KIF11: variants seen among roughly 807,000 people sequenced by gnomAD.
KIF11 encodes the protein kinesin family member 11.
In KIF11, 9 loss-of-function variants were observed where a neutral mutation model predicts 121.0. The observed-to-expected ratio is 0.07, with a 90% CI of 0.04 to 0.13. The LOEUF (loss-of-function observed/expected upper bound fraction) is 0.13, where lower values mean the gene tolerates loss of function less well. Ranked by LOEUF, KIF11 falls within the 10% of genes least tolerant of loss-of-function variation. The pLI is 1.00. For missense variants in KIF11, 846 were observed against 1,217.5 expected, an observed-to-expected ratio of 0.69 and a Z score of 4.54; for synonymous variants, 408 against 421.0, an observed-to-expected ratio of 0.97 and a Z score of 0.38.
Position 92,633,810 on chromosome 10 carries a change from T to A in KIF11, c.1875+15T>A. ...AGGAATTGATTGTTAGTACATCCTT[T>A]AAAATATTTTTGAAGGGTTGCATTT... On this transcript the variant is annotated intron_variant, in intron 14 of 21. Coordinates refer to ENST00000260731, the MANE Select transcript of KIF11 (RefSeq NM_004523.4). The A allele has an allele frequency of 6.7e-7, 1 of 1,495,490 alleles. No homozygotes were observed. The highest frequency in any genetic ancestry group is 9.2e-7 in the Non-Finnish European group (1 of 1,091,216). 92.6% of individuals were successfully genotyped at this position (1,495,490 alleles called of 1,614,324 possible).
At chr10:92,640,563 C>T (rs535105226) in intron 17 of KIF11, among the ~76,000 whole-genome samples, 29 of 152,286 alleles carry the variant, frequency 1.9e-4, no homozygotes, top group South Asian at 4.1e-4. Flanking sequence ...TCCCGAGTAG[C>T]TGGGACTACA....
intron 21 of KIF11, among the ~76,000 whole-genome samples, chr10:92,653,140 C>T (rs546043734): frequency 6.6e-6 from 1 of 152,338 alleles, no homozygotes; most frequent in East Asian, 1.9e-4. Context: ...ATTGGCTTTT[C>T]TGCATGACAG....
At chr10:92,627,873 A>AT (rs1168071738) in intron 10 of KIF11, among the ~76,000 whole-genome samples, 1 of 152,072 alleles carries the variant, frequency 6.6e-6, no homozygotes, top group Non-Finnish European at 1.5e-5. Context: ...AGCTGCTGCT[A>AT]TTTTTTGATT....
At chr10:92,644,834 T>C (rs1183567311) in intron 17 of KIF11, among the ~76,000 whole-genome samples, 1 of 152,210 alleles carries the variant, frequency 6.6e-6, no homozygotes, top group Non-Finnish European at 1.5e-5. Flanking sequence ...CTAACCAACA[T>C]TAATATTATA....
In KIF11 at chr10:92,632,554, G is replaced by C; in HGVS notation, c.1563G>C (p.Lys521Asn). Residue 521 changes from lysine to asparagine, a missense_variant, in exon 13 of 22, where the codon AAG becomes AAC. By Grantham distance (94) the Lys-to-Asn change is moderately conservative. Around this residue, in one of 5 missense-constraint regions of KIF11, gnomAD observed 492 missense variants for 603.4 expected, o/e 0.82. Transcript: ENST00000260731. ...TCCATTCCAAACTGGATCGTAAGAA[G>C]GCAGTTGACCAACACAATGCAGAAG... ...SGLHSKLDRKKAVDQHNAEAQ... is the reference protein window; with the variant it reads ...SGLHSKLDRKNAVDQHNAEAQ... 1 of 1,613,572 alleles carries C rather than the reference G, an allele frequency of 6.2e-7. No homozygotes were observed. The highest frequency in any genetic ancestry group is 8.5e-7 in the Non-Finnish European group (1 of 1,179,538).
At chr10:92,599,658 C>CTT (rs879564897) in intron 1 of KIF11, among the ~76,000 whole-genome samples, 1 of 137,422 alleles carries the variant, frequency 7.3e-6, no homozygotes, top group Non-Finnish European at 1.6e-5. Flanking sequence ...GTTTTCTTTT[C>CTT]TTTTTTTTTT....
intron 6 of KIF11, among the ~76,000 whole-genome samples, chr10:92,610,898 C>T (rs1029596492): frequency 1.3e-5 from 2 of 152,176 alleles, no homozygotes; most frequent in African/African-American, 4.8e-5. Flanking sequence ...AATGGCTTTC[C>T]AATAAAATGG....
intron 10 of KIF11, among the ~76,000 whole-genome samples, 162 bp downstream of exon 10, chr10:92,621,635 A>G (rs996148471): frequency 7.6e-6 from 1 of 130,890 alleles, no homozygotes; most frequent in Non-Finnish European, 1.5e-5. Flanking sequence ...AAGGTCTCGC[A>G]CTGTCACCCA....
At chr10:92,601,182 G>T (rs1327938808) in intron 1 of KIF11, among the ~76,000 whole-genome samples, 1 of 143,120 alleles carries the variant, frequency 7.0e-6, no homozygotes, top group Non-Finnish European at 1.5e-5. Flanking sequence ...TTTCAATTTG[G>T]ATGCCTTTTA....
intron 17 of KIF11, 30 bp downstream of exon 17, chr10:92,639,930 T>G: frequency 8.7e-7 from 1 of 1,154,296 alleles, no homozygotes; most frequent in South Asian, 1.3e-5. Context: ...TCTTAAACTT[T>G]TCTGTAAGTC....
chr10:92,616,943 G>T, intron 9 of KIF11, 111 bp downstream of exon 9: 2 of 592,842 alleles, frequency 3.4e-6, no homozygotes, highest in Non-Finnish European at 5.9e-6. Context: ...CCCATGGAAG[G>T]CTTTTTATAT....
intron 16 of KIF11, 122 bp downstream of exon 16, chr10:92,637,667 A>G (rs554839294): frequency 2.4e-5 from 21 of 889,264 alleles, no homozygotes; most frequent in Admixed American, 3.2e-5. Context: ...TGAAAATACC[A>G]TAGCCACTGT....
intron 1 of KIF11, among the ~76,000 whole-genome samples, chr10:92,598,588 C>T (rs1170076461): frequency 1.3e-5 from 2 of 152,072 alleles, no homozygotes; most frequent in African/African-American, 4.8e-5. Flanking sequence ...CTTGGGATTC[C>T]ATATGAATTT....
rs767310274 is a variant in KIF11 at position 92,648,441 on chromosome 10, T to C, written c.2770+7T>C. 162 of 1,535,476 alleles carry C rather than the reference T, an allele frequency of 1.1e-4. No individual in the cohort carries two copies. Among genetic ancestry groups the C allele is most frequent in the Non-Finnish European group, 1.4e-4 (158 of 1,129,228 alleles). On this transcript the variant is annotated splice_region_variant and intron_variant, in intron 19 of 21. Coordinates refer to ENST00000260731, the MANE Select transcript of KIF11 (RefSeq NM_004523.4). ...AAACTGGATATCCCAACAGGTACTT[T>C]AAAAGAGAAATAGAATTGTTAAATT...
chr10:92,607,338 C>T (rs1331807702), intron 4 of KIF11, 101 bp downstream of exon 4: 1 of 653,146 alleles, frequency 1.5e-6, no homozygotes, highest in Non-Finnish European at 2.7e-6. Flanking sequence ...GATCAGAGTA[C>T]CTATGTCAAA....
chr10:92,632,283 T>C (rs1383091512), intron 12 of KIF11, among the ~76,000 whole-genome samples: 1 of 151,962 alleles, frequency 6.6e-6, no homozygotes, highest in Admixed American at 6.6e-5. Flanking sequence ...TTCTCCTGCC[T>C]CAGCCTCTTG....
chr10:92,641,582 C>G (rs1013811448), intron 17 of KIF11, among the ~76,000 whole-genome samples: 1 of 152,122 alleles, frequency 6.6e-6, no homozygotes, highest in African/African-American at 2.4e-5. Context: ...GCTTTCAAAA[C>G]TTTTTTGTCT....
intron 4 of KIF11, among the ~76,000 whole-genome samples, chr10:92,607,540 AG>A (rs1844442679): frequency 1.3e-5 from 2 of 152,310 alleles, no homozygotes; most frequent in South Asian, 4.1e-4. Flanking sequence ...TGAAGCTTGA[AG>A]GCAGGGAGGG....
Position 92,645,637 on chromosome 10 carries a change from T to C in KIF11, c.2542T>C (p.Leu848=), listed in dbSNP as rs2135923518. The change falls in exon 18 of 22, where the codon TTG becomes CTG. Residue 848 remains leucine, a synonymous_variant. Transcript: ENST00000260731. The part of the protein sequence containing the change: ...NEREQELHNL[L]EVVSQCCEAS... Reference sequence around the variant, plus strand: ...AAGGGAACAGGAACTTCACAACTTATTGGAGGTAATAACTTTGTAAGTGGA... The same window carrying C: ...AAGGGAACAGGAACTTCACAACTTACTGGAGGTAATAACTTTGTAAGTGGA... 6.3e-7 allele frequency: 1 copy of C among 1,582,078 alleles called. No individual in the cohort carries two copies. The highest frequency in any genetic ancestry group is 8.6e-7 in the Non-Finnish European group (1 of 1,164,848).
Sources: gnomAD v4.1 joint callset for allele counts (sites outside exome capture counted in the v4.1 genomes callset) on GRCh38, gnomAD v4.1.1 for gene constraint, gnomAD v4.1.1 regional missense constraint, MANE v1.5 for transcripts, NCBI Gene and HGNC (gene_info 2026-07-23, HGNC 2026-07-21) for gene names.